Variants in AFF3 observed in about 807,000 individuals in gnomAD.
AFF3 encodes ALF transcription elongation factor 3, also known as AF4/FMR2 family member 3.
In AFF3, 32 loss-of-function variants were observed where a neutral mutation model predicts 129.7. The observed-to-expected ratio is 0.25, with a 90% CI of 0.19 to 0.33. AFF3 has a LOEUF of 0.33. AFF3 is among the 10% of genes least tolerant of loss of function. The pLI is 1.00. For synonymous variants in AFF3, 644 were observed against 635.4 expected (o/e 1.01, Z -0.20); for missense variants, 1,373 against 1,592.0 (o/e 0.86, Z 2.34).
chr2:99,833,746 A>G (rs187940666), intron 8 of AFF3, among the ~76,000 whole-genome samples: 3 of 152,338 alleles, frequency 2.0e-5, no homozygotes, highest in Admixed American at 1.3e-4. Flanking sequence ...TAAGTATTAC[A>G]GCACTGGAAC....
rs2104998573 is a variant in AFF3 at position 99,727,104 on chromosome 2, C to T, written c.1064G>A (p.Ser355Asn). 6.2e-7 allele frequency: 1 copy of T among 1,610,524 alleles called. No individual in the cohort carries two copies. The highest frequency in any genetic ancestry group is 8.5e-7 in the Non-Finnish European group (1 of 1,179,082). The change falls in exon 11 of 25, where the codon AGT becomes AAT. Residue 355 changes from serine (S) to asparagine (N), a missense_variant. Ser to Asn is a conservative substitution (Grantham distance 46). Coordinates refer to ENST00000672756, the MANE Select transcript of AFF3 (RefSeq NM_001386135.1). ...NPKKGDAEPESPDNGTSNTSM... is the reference protein window; with the variant it reads ...NPKKGDAEPENPDNGTSNTSM... The stretch of plus-strand genomic sequence containing the variant: ...TGTATTCGATGTGCCATTGTCTGGA[C>T]TCTCTGGCTCTGCATCACCTTTCTC...
At chr2:99,668,214 C>T (rs571490346) in intron 12 of AFF3, among the ~76,000 whole-genome samples, 35 of 152,100 alleles carry the variant, frequency 2.3e-4, no homozygotes, top group Middle Eastern at 3.4e-3. Context: ...TGCTGTCACC[C>T]GGGCTGGAGT....
intron 12 of AFF3, among the ~76,000 whole-genome samples, chr2:99,658,700 G>C (rs1489364304): frequency 6.6e-6 from 1 of 152,186 alleles, no homozygotes; most frequent in African/African-American, 2.4e-5. Flanking sequence ...TGTGGTCTCA[G>C]AGCCAGTAAG....
chr2:99,690,783 T>C (rs1666581318), intron 11 of AFF3, among the ~76,000 whole-genome samples: 1 of 151,794 alleles, frequency 6.6e-6, no homozygotes, highest in Non-Finnish European at 1.5e-5. Context: ...AAGAATTTTT[T>C]TTTTTTCAAA....
intron 8 of AFF3, among the ~76,000 whole-genome samples, chr2:99,796,911 A>G (rs1685591133): frequency 6.6e-6 from 1 of 152,222 alleles, no homozygotes; most frequent in Non-Finnish European, 1.5e-5. Context: ...GGCAATAATT[A>G]GCCATAGACT....
intron 4 of AFF3, among the ~76,000 whole-genome samples, chr2:100,043,263 T>C (rs1249794917): frequency 3.3e-5 from 5 of 152,092 alleles, no homozygotes; most frequent in South Asian, 2.1e-4. Context: ...TTCAAAAGCA[T>C]ATCAATTTGG....
intron 17 of AFF3, among the ~76,000 whole-genome samples, chr2:99,579,243 T>G (rs1041584003): frequency 9.9e-5 from 15 of 151,180 alleles, no homozygotes; most frequent in Admixed American, 9.2e-4. Context: ...CCGTCTCTAC[T>G]AAAAATACAA....
At chr2:99,600,280 G>T (rs1228412452) in intron 14 of AFF3, among the ~76,000 whole-genome samples, 1 of 152,186 alleles carries the variant, frequency 6.6e-6, no homozygotes, top group Non-Finnish European at 1.5e-5. Context: ...GTGCTGAGGA[G>T]AAAATGAGGA....
chr2:100,027,174 G>T (rs1221304416), intron 4 of AFF3, among the ~76,000 whole-genome samples: 1 of 152,182 alleles, frequency 6.6e-6, no homozygotes, highest in African/African-American at 2.4e-5. Context: ...ACTCCAGGTT[G>T]ATTAAGGACA....
chr2:100,127,595 A>G lies in AFF3; in HGVS notation c.-145+1629T>C, dbSNP rs965635413. On this transcript the variant is annotated intron_variant, in intron 2 of 24. Transcript: ENST00000672756. ...TGCCACTGCTGCACAAATGCTCTGA[A>G]TGTTTGAATAAACAACCCCTGAGAA... Among the ~76,000 whole-genome samples, 4 of 152,270 alleles carry G rather than the reference A, an allele frequency of 2.6e-5. No homozygotes were observed. In the Middle Eastern group the frequency reaches 0.01, roughly 388 times the overall value.
At chr2:99,671,252 G>T (rs1687119182) in intron 12 of AFF3, among the ~76,000 whole-genome samples, 2 of 152,190 alleles carry the variant, frequency 1.3e-5, no homozygotes, top group African/African-American at 4.8e-5. Context: ...CCAAAATTAG[G>T]AGTGAAGTCA....
intron 7 of AFF3, among the ~76,000 whole-genome samples, chr2:99,998,770 C>T (rs539780333): frequency 3.2e-4 from 48 of 152,114 alleles, no homozygotes; most frequent in East Asian, 1.4e-3. Flanking sequence ...AATAACTGAA[C>T]GAGGAATCGT....
At chr2:99,565,460 C>T (rs1279418072) in intron 20 of AFF3, 27 bp downstream of exon 20, 15 of 1,607,990 alleles carry the variant, frequency 9.3e-6, no homozygotes, top group Non-Finnish European at 1.3e-5. Context: ...CTCCTCCCCT[C>T]ATCCAGCAAG....
At chr2:100,001,671 C>T (rs759721220) in intron 7 of AFF3, among the ~76,000 whole-genome samples, 5 of 151,292 alleles carry the variant, frequency 3.3e-5, no homozygotes, top group Non-Finnish European at 7.4e-5. Context: ...CGTGATCCAC[C>T]CGCCTTGGCC....
chr2:99,811,619 G>C (rs947250091), intron 8 of AFF3, among the ~76,000 whole-genome samples: 1 of 152,154 alleles, frequency 6.6e-6, no homozygotes, highest in Non-Finnish European at 1.5e-5. Context: ...ACTCAATAAA[G>C]TGCATAAAGT....
chr2:100,014,289 A>G (rs1480654425), intron 4 of AFF3, among the ~76,000 whole-genome samples: 1 of 152,144 alleles, frequency 6.6e-6, no homozygotes, highest in Non-Finnish European at 1.5e-5. Context: ...TGGGGAGTCT[A>G]AGAAATAAGC....
At chr2:99,888,312 C>A (rs1693273076) in intron 7 of AFF3, among the ~76,000 whole-genome samples, 1 of 152,182 alleles carries the variant, frequency 6.6e-6, no homozygotes, top group Admixed American at 6.5e-5. Flanking sequence ...AAACTTACAA[C>A]TTCAAATGAA....
At chr2:99,999,894 G>A (rs1291332474) in intron 7 of AFF3, among the ~76,000 whole-genome samples, 3 of 152,160 alleles carry the variant, frequency 2.0e-5, no homozygotes, top group African/African-American at 7.2e-5. Context: ...AGCAGAGAGA[G>A]GGGTCCCAGT....
At chr2:99,697,088 C>A (rs1676361213) in intron 11 of AFF3, among the ~76,000 whole-genome samples, 1 of 152,212 alleles carries the variant, frequency 6.6e-6, no homozygotes, top group Non-Finnish European at 1.5e-5. Flanking sequence ...GTCTCTTAAT[C>A]CAACTTCTCT....
Sources: allele counts gnomAD v4.1 joint callset (sites outside exome capture counted in the v4.1 genomes callset), GRCh38; gene constraint gnomAD v4.1.1; transcripts MANE v1.5; gene names NCBI Gene and HGNC (gene_info 2026-07-23, HGNC 2026-07-21).